TMEM260: variants seen among roughly 807,000 people sequenced by gnomAD.
TMEM260 encodes transmembrane protein 260, also known as protein O-mannosyl-transferase TMEM260.
Under a neutral mutation model 88.9 loss-of-function variants are expected in TMEM260, and 82 were observed. The observed-to-expected ratio is 0.92, with a 90% CI of 0.77 to 1.11. The LOEUF is 1.11. TMEM260 is among the 50% of genes least tolerant of loss of function. The probability of loss-of-function intolerance (pLI) is 0.00; values close to 1 mark genes in which losing one functional copy is unlikely to be tolerated. For synonymous variants in TMEM260, 314 were observed against 309.3 expected, an observed-to-expected ratio of 1.02 and a Z score of -0.16; for missense variants, 902 against 853.4, an observed-to-expected ratio of 1.06 and a Z score of -0.71.
chr14:56,643,910 C>T (rs1329236522), intron 15 of TMEM260, among the ~76,000 whole-genome samples: 1 of 152,086 alleles, frequency 6.6e-6, no homozygotes, highest in Non-Finnish European at 1.5e-5. Context: ...TTCACAATTG[C>T]TTCAAAGAGA....
intron 3 of TMEM260, among the ~76,000 whole-genome samples, chr14:56,595,633 C>G (rs1886157278): frequency 6.6e-6 from 1 of 152,194 alleles, no homozygotes; most frequent in East Asian, 1.9e-4. Flanking sequence ...GCATGTGCAC[C>G]ACGCCCAGCT....
chr14:56,651,819 A>G (rs368575141), downstream of TMEM260, among the ~76,000 whole-genome samples: 4 of 152,230 alleles, frequency 2.6e-5, no homozygotes, highest in Non-Finnish European at 5.9e-5. Context: ...GTGAAGTACA[A>G]TAGATGGAAA....
intron 11 of TMEM260, among the ~76,000 whole-genome samples, chr14:56,623,828 A>G (rs1333571800): frequency 1.3e-5 from 2 of 152,216 alleles, no homozygotes; most frequent in East Asian, 1.9e-4. Context: ...TTGCTGGGTA[A>G]TGTCTTACAT....
intron 15 of TMEM260, among the ~76,000 whole-genome samples, chr14:56,646,383 A>G (rs1468913075): frequency 3.3e-5 from 5 of 152,242 alleles, no homozygotes; most frequent in Non-Finnish European, 5.9e-5. Context: ...CAGAAAGTCT[A>G]CAGGTAACTC....
the TMEM260 span, among the ~76,000 whole-genome samples, chr14:56,659,255 G>GTTT: frequency 5.2e-4 from 62 of 119,806 alleles, no homozygotes; most frequent in African/African-American, 1.9e-3. Context: ...TTGTTTTTTG[G>GTTT]TTTTTGTTTT....
At chr14:56,602,699 G>A (rs1440149012) in intron 3 of TMEM260, among the ~76,000 whole-genome samples, 1 of 151,532 alleles carries the variant, frequency 6.6e-6, no homozygotes, top group East Asian at 2.0e-4. Flanking sequence ...GGAAGAACGG[G>A]AAGCTGAAAG....
At chr14:56,592,844 C>T (rs879518808) in intron 3 of TMEM260, among the ~76,000 whole-genome samples, 10 of 152,118 alleles carry the variant, frequency 6.6e-5, no homozygotes, top group East Asian at 1.9e-4. Context: ...TCAGTATAGA[C>T]GTAGGGCAGT....
At chr14:56,607,771 A>T (rs1450085113) in intron 5 of TMEM260, among the ~76,000 whole-genome samples, 1 of 152,182 alleles carries the variant, frequency 6.6e-6, no homozygotes, top group African/African-American at 2.4e-5. Flanking sequence ...TAATTCTGAT[A>T]TAAGTGATCT....
At chr14:56,636,624 A>C in intron 15 of TMEM260, 26 bp downstream of exon 15, 2 of 1,578,518 alleles carry the variant, frequency 1.3e-6, no homozygotes, top group Non-Finnish European at 1.7e-6. Context: ...ATATGTAGAT[A>C]TAGATATATT....
At chr14:56,661,220 C>T in the TMEM260 span, among the ~76,000 whole-genome samples, 49 of 150,258 alleles carry the variant, frequency 3.3e-4, no homozygotes, top group South Asian at 0.01. Flanking sequence ...CTGGTGGTCG[C>T]CACCCCTCCT....
chr14:56,629,931 C>T (rs1280145890), intron 12 of TMEM260, among the ~76,000 whole-genome samples: 1 of 151,904 alleles, frequency 6.6e-6, no homozygotes, highest in Non-Finnish European at 1.5e-5. Context: ...GTCCCAACTA[C>T]TTGGGCAGCT....
At chr14:56,600,468 C>G (rs1325966900) in intron 3 of TMEM260, among the ~76,000 whole-genome samples, 2 of 152,036 alleles carry the variant, frequency 1.3e-5, no homozygotes, top group Non-Finnish European at 2.9e-5. Context: ...GGAAAGAACT[C>G]TACAATTCAA....
At chr14:56,661,568 G>A in the TMEM260 span, among the ~76,000 whole-genome samples, 1 of 150,562 alleles carries the variant, frequency 6.6e-6, no homozygotes, top group Admixed American at 6.6e-5. Flanking sequence ...GGGAAAGAGG[G>A]AAGGGAGGAA....
chr14:56,590,930 C>T (rs960970247), intron 3 of TMEM260, among the ~76,000 whole-genome samples: 5 of 152,184 alleles, frequency 3.3e-5, no homozygotes, highest in Admixed American at 1.3e-4. Flanking sequence ...GAGCAGCCCC[C>T]GCCTGCCAGT....
intron 1 of TMEM260, 125 bp downstream of exon 1, chr14:56,580,199 G>A: frequency 1.4e-6 from 1 of 718,286 alleles, no homozygotes; most frequent in Non-Finnish European, 1.9e-6. Context: ...CCACCCCCCT[G>A]TGCACAGCGC....
At chr14:56,601,916 C>T (rs139370746) in intron 3 of TMEM260, among the ~76,000 whole-genome samples, 145 of 152,194 alleles carry the variant, frequency 9.5e-4, no homozygotes, top group African/African-American at 3.4e-3. Context: ...TGTGCTAGAG[C>T]TACCCTGGCT....
intron 6 of TMEM260, among the ~76,000 whole-genome samples, chr14:56,610,247 C>G (rs1887170764): frequency 6.7e-6 from 1 of 150,106 alleles, no homozygotes; most frequent in African/African-American, 2.5e-5. Flanking sequence ...TTTTATTTTG[C>G]TTTGTTTGTT....
intron 15 of TMEM260, among the ~76,000 whole-genome samples, chr14:56,638,674 C>A (rs1039441019): frequency 3.3e-5 from 5 of 152,064 alleles, no homozygotes; most frequent in African/African-American, 9.7e-5. Flanking sequence ...TACTGAATTA[C>A]CACCCCCAGT....
Position 56,584,997 on chromosome 14 carries a change from A to G in TMEM260, c.161-4A>G. 1 of 1,609,690 alleles carries G rather than the reference A, an allele frequency of 6.2e-7. No homozygotes were observed. The highest frequency in any genetic ancestry group is 8.5e-7 in the Non-Finnish European group (1 of 1,178,196). On this transcript the variant is annotated splice_polypyrimidine_tract_variant and splice_region_variant and intron_variant, in intron 1 of 15. Coordinates refer to ENST00000261556, the MANE Select transcript of TMEM260 (RefSeq NM_017799.4). The stretch of plus-strand genomic sequence containing the variant: ...ATTATTGGTTTTACATTATTTTTTC[A>G]CAGGGGAACTGATCACAGCCGCACA...
Sources: gnomAD v4.1 joint callset for allele counts (sites outside exome capture counted in the v4.1 genomes callset) on GRCh38, gnomAD v4.1.1 for gene constraint, MANE v1.5 for transcripts, NCBI Gene and HGNC (gene_info 2026-07-23, HGNC 2026-07-21) for gene names.